ZNF438: variants seen among roughly 807,000 people sequenced by gnomAD.
ZNF438 encodes zinc finger protein 438.
ZNF438 carries 25 observed loss-of-function variants against 38.0 expected under a neutral mutation model. That is an observed-to-expected ratio of 0.66 (90% CI 0.48 to 0.92). The LOEUF (loss-of-function observed/expected upper bound fraction) is 0.92, where lower values mean the gene tolerates loss of function less well. Ranked by LOEUF, ZNF438 falls within the 40% of genes least tolerant of loss-of-function variation. The pLI is 0.00. For missense variants in ZNF438, 1,007 were observed against 999.6 expected, an observed-to-expected ratio of 1.01 and a Z score of -0.10; for synonymous variants, 372 against 364.1, an observed-to-expected ratio of 1.02 and a Z score of -0.25.
intron 3 of ZNF438, among the ~76,000 whole-genome samples, chr10:30,901,369 C>T (rs571076471): frequency 7.2e-5 from 11 of 152,032 alleles, no homozygotes; most frequent in Middle Eastern, 3.4e-3. Flanking sequence ...AGAATGAAGC[C>T]GCGGACCCTC....
Position 30,850,397 on chromosome 10 carries a change from C to T in ZNF438, c.38-30G>A, listed in dbSNP as rs753955079. 5.7e-6 allele frequency: 9 copies of T among 1,582,650 alleles called. No individual in the cohort carries two copies. In the East Asian group the frequency reaches 1.8e-4, roughly 31 times the overall value. ...AATGACAATAAAATATAAAGAGTTA[C>T]TGTATGTAACTGTTCTGTTAGTGAT... is the stretch of plus-strand genomic sequence containing the variant. On this transcript the variant is annotated intron_variant, in intron 4 of 5. Transcript: ENST00000413025.
chr10:30,950,130 A>G (rs1474419156), intron 1 of ZNF438, among the ~76,000 whole-genome samples: 1 of 149,666 alleles, frequency 6.7e-6, no homozygotes, highest in African/African-American at 2.4e-5. Flanking sequence ...AAACTGAACA[A>G]CCTGCTCCTG....
intron 4 of ZNF438, among the ~76,000 whole-genome samples, chr10:30,871,335 AG>A (rs1440163827): frequency 6.6e-6 from 1 of 152,232 alleles, no homozygotes; most frequent in Non-Finnish European, 1.5e-5. Flanking sequence ...TTAAAAAAAA[AG>A]ATGACAATAT....
At chr10:30,889,677 A>G (rs1564577997) in intron 3 of ZNF438, among the ~76,000 whole-genome samples, 1 of 152,170 alleles carries the variant, frequency 6.6e-6, no homozygotes, top group Admixed American at 6.5e-5. Context: ...AAGTGCTAGG[A>G]TTATAGGTGT....
At chr10:30,931,561 G>A (rs1033528306) in intron 2 of ZNF438, among the ~76,000 whole-genome samples, 6 of 152,174 alleles carry the variant, frequency 3.9e-5, no homozygotes, top group Non-Finnish European at 5.9e-5. Context: ...CAGAAATAAC[G>A]TTTGCATGTG....
intron 1 of ZNF438, among the ~76,000 whole-genome samples, chr10:30,994,060 A>T: frequency 6.6e-6 from 1 of 152,234 alleles, no homozygotes; most frequent in East Asian, 1.9e-4. Flanking sequence ...GGAAGTAGGT[A>T]ACTTATTTGA....
intron 4 of ZNF438, among the ~76,000 whole-genome samples, chr10:30,873,469 C>A (rs1011266873): frequency 6.6e-6 from 1 of 152,180 alleles, no homozygotes; most frequent in East Asian, 1.9e-4. Context: ...TAGCTTTAAA[C>A]CCCTGGCTTA....
Position 31,030,021 on chromosome 10 carries a change from C to T in ZNF438, c.-192+1812G>A, listed in dbSNP as rs187943603. Reference sequence around the variant, plus strand: ...CTTAACCTTTCTGTGTGTCAGTTGCCTCATCTATGAAAGGGAGATACTAGG... The same window carrying T: ...CTTAACCTTTCTGTGTGTCAGTTGCTTCATCTATGAAAGGGAGATACTAGG... On this transcript the variant is annotated intron_variant, in intron 1 of 5. Transcript: ENST00000413025. Among the ~76,000 whole-genome samples, 18 of 152,290 alleles carry T rather than the reference C, an allele frequency of 1.2e-4. No homozygotes were observed. The East Asian group carries it at 2.9e-3, about 24-fold the overall frequency.
chr10:31,007,103 A>G (rs573344678), intron 1 of ZNF438, among the ~76,000 whole-genome samples: 2 of 152,234 alleles, frequency 1.3e-5, no homozygotes, highest in East Asian at 1.9e-4. Flanking sequence ...CTAAAAGTGA[A>G]GGAATGCAGG....
chr10:31,006,222 C>G (rs1453510360), intron 1 of ZNF438, among the ~76,000 whole-genome samples: 3 of 152,126 alleles, frequency 2.0e-5, no homozygotes, highest in Non-Finnish European at 4.4e-5. Flanking sequence ...AGGCTGGACA[C>G]TAGAAAGACC....
At chr10:31,020,542 C>A (rs566803152) in intron 1 of ZNF438, among the ~76,000 whole-genome samples, 3 of 152,172 alleles carry the variant, frequency 2.0e-5, no homozygotes, top group Admixed American at 6.5e-5. Context: ...TTGAAGAGGT[C>A]ATTATTTAGC....
chr10:30,861,730 T>TA (rs1212847068), intron 4 of ZNF438, among the ~76,000 whole-genome samples: 4 of 152,170 alleles, frequency 2.6e-5, no homozygotes, highest in African/African-American at 9.6e-5. Flanking sequence ...ATGCTTCTGA[T>TA]AAAAAATGGT....
intron 4 of ZNF438, chr10:30,857,802 A>G: frequency 7.3e-7 from 1 of 1,369,132 alleles, no homozygotes. Flanking sequence ...TTTACATGTT[A>G]AAGGCAGTGG....
In ZNF438 at chr10:30,850,384, A is replaced by C; in HGVS notation, c.38-17T>G. On this transcript the variant is annotated splice_polypyrimidine_tract_variant and intron_variant, in intron 4 of 5. Coordinates refer to ENST00000413025, the Ensembl canonical transcript of ZNF438. ...TTGATTCACCTGCAATGACAATAAA[A>C]TATAAAGAGTTACTGTATGTAACTG... is the stretch of plus-strand genomic sequence containing the variant. 14 of 1,601,866 alleles carry C rather than the reference A, an allele frequency of 8.7e-6. No individual in the cohort carries two copies. The highest frequency in any genetic ancestry group is 1.2e-5 in the Non-Finnish European group (14 of 1,173,946).
At position 30,944,216 on chromosome 10, in the gene ZNF438, C is replaced by T. The variant is rs2047122819; in HGVS notation, c.-191-2565G>A. 2.0e-5 allele frequency among the ~76,000 whole-genome samples: 3 copies of T among 152,308 alleles called. 1 individual carries two copies. The South Asian group carries it at 6.2e-4, about 32-fold the overall frequency. On this transcript the variant is annotated intron_variant, in intron 1 of 5. Transcript: ENST00000413025. ...AACAGTCTCTGACTCTCAGAACTTG[C>T]TTGTCCAAATGCAAATTCATTGTCC...
chr10:30,927,616 T>A (rs1254197489), intron 2 of ZNF438, among the ~76,000 whole-genome samples: 2 of 152,254 alleles, frequency 1.3e-5, no homozygotes, highest in Non-Finnish European at 2.9e-5. Flanking sequence ...CACAAACTTA[T>A]AATGTGCTAA....
intron 1 of ZNF438, among the ~76,000 whole-genome samples, chr10:30,963,747 G>A (rs999126719): frequency 6.6e-6 from 1 of 152,068 alleles, no homozygotes; most frequent in Non-Finnish European, 1.5e-5. Flanking sequence ...CGGGTACGGT[G>A]GCAGGCGCCT....
At chr10:30,943,566 T>C (rs79163879) in intron 1 of ZNF438, among the ~76,000 whole-genome samples, 2,241 of 152,284 alleles carry the variant, frequency 0.015, 63 homozygotes, top group African/African-American at 0.051. Context: ...GAGTTCTGAG[T>C]ATCAGAAACT....
At chr10:31,013,459 C>T (rs1228984172) in intron 1 of ZNF438, among the ~76,000 whole-genome samples, 3 of 152,112 alleles carry the variant, frequency 2.0e-5, no homozygotes, top group Non-Finnish European at 2.9e-5. Flanking sequence ...AAACGTCCAC[C>T]ACTTTCAAGC....
Sources: allele counts gnomAD v4.1 joint callset (sites outside exome capture counted in the v4.1 genomes callset), GRCh38; gene constraint gnomAD v4.1.1; transcripts MANE v1.5; gene names NCBI Gene and HGNC (gene_info 2026-07-23, HGNC 2026-07-21).